DENND5B: variants seen among roughly 807,000 people sequenced by gnomAD.
The protein encoded by DENND5B is DENN domain-containing protein 5B.
In DENND5B, 34 loss-of-function variants were observed where a neutral mutation model predicts 140.6. The observed-to-expected ratio is 0.24, with a 90% CI of 0.18 to 0.32. The LOEUF (loss-of-function observed/expected upper bound fraction) is 0.32, where lower values mean the gene tolerates loss of function less well. DENND5B is among the 10% of genes least tolerant of loss of function. The pLI is 1.00. For synonymous variants in DENND5B, 551 were observed against 562.1 expected (o/e 0.98, Z 0.28); for missense variants, 1,142 against 1,560.2 (o/e 0.73, Z 4.52).
At chr12:31,490,184 T>C (rs758963986) in intron 2 of DENND5B, among the ~76,000 whole-genome samples, 1 of 151,044 alleles carries the variant, frequency 6.6e-6, no homozygotes, top group Non-Finnish European at 1.5e-5. Context: ...GTTTTGGATA[T>C]GTTGCATTTG....
intron 13 of DENND5B, among the ~76,000 whole-genome samples, chr12:31,412,870 T>C (rs1224893181): frequency 1.3e-5 from 2 of 152,214 alleles, no homozygotes; most frequent in African/African-American, 4.8e-5. Flanking sequence ...CTTTTGGATG[T>C]TACTGTCAGC....
intron 11 of DENND5B, among the ~76,000 whole-genome samples, chr12:31,416,965 C>G (rs529806799): frequency 1.1e-4 from 16 of 145,678 alleles, no homozygotes; most frequent in Non-Finnish European, 2.1e-4. Context: ...GTGGTGTTCA[C>G]CTGTAGCACC....
chr12:31,508,090 T>C (rs1947272429), intron 1 of DENND5B, among the ~76,000 whole-genome samples: 1 of 152,132 alleles, frequency 6.6e-6, no homozygotes, highest in South Asian at 2.1e-4. Flanking sequence ...AGAGCCACGC[T>C]TTGCCTTCCA....
At chr12:31,568,595 T>C (rs979688194) in intron 1 of DENND5B, among the ~76,000 whole-genome samples, 3 of 152,148 alleles carry the variant, frequency 2.0e-5, no homozygotes, top group African/African-American at 7.2e-5. Context: ...CTAAGGAAGG[T>C]GTGATGTGCG....
At chr12:31,400,845 T>TG (rs1555133721) in intron 15 of DENND5B, among the ~76,000 whole-genome samples, 21 of 20,824 alleles carry the variant, frequency 1.0e-3, no homozygotes, top group East Asian at 0.01. Flanking sequence ...GAGTTTTTTT[T>TG]TTTTGTTTTT....
intron 17 of DENND5B, among the ~76,000 whole-genome samples, chr12:31,392,937 C>A (rs188708305): frequency 6.6e-6 from 1 of 152,332 alleles, no homozygotes; most frequent in South Asian, 2.1e-4. Flanking sequence ...CAATCTATAA[C>A]CCTAGCCTAG....
intron 10 of DENND5B, among the ~76,000 whole-genome samples, chr12:31,423,899 C>T (rs1053207158): frequency 6.6e-6 from 1 of 152,162 alleles, no homozygotes; most frequent in Admixed American, 6.5e-5. Context: ...AGCAGCTAAG[C>T]AAAGGGCCAG....
chr12:31,534,788 A>G, intron 1 of DENND5B: 1 of 434,948 alleles, frequency 2.3e-6, no homozygotes, highest in East Asian at 7.2e-5. Context: ...CCTCCTGGCA[A>G]TATCAAATGC....
chr12:31,469,332 CAAA>C (rs572719010), intron 3 of DENND5B, among the ~76,000 whole-genome samples: 17 of 106,084 alleles, frequency 1.6e-4, no homozygotes, highest in African/African-American at 3.7e-4. Flanking sequence ...GACTCCATCT[CAAA>C]AAAAAAAAAA....
intron 2 of DENND5B, among the ~76,000 whole-genome samples, chr12:31,494,606 C>T (rs1242052161): frequency 6.6e-6 from 1 of 152,142 alleles, no homozygotes; most frequent in African/African-American, 2.4e-5. Context: ...CTGATTGTTT[C>T]CTTCCCACAA....
intron 1 of DENND5B, among the ~76,000 whole-genome samples, chr12:31,529,733 AT>A (rs905577877): frequency 6.5e-4 from 99 of 151,332 alleles, no homozygotes; most frequent in African/African-American, 2.0e-3. Context: ...TTTAAAAATA[AT>A]TTTTTTTAAA....
At chr12:31,564,093 G>A (rs1170744648) in intron 1 of DENND5B, among the ~76,000 whole-genome samples, 1 of 152,142 alleles carries the variant, frequency 6.6e-6, no homozygotes, top group African/African-American at 2.4e-5. Context: ...ACTCCAGCCT[G>A]GGCAACAGAG....
chr12:31,561,098 C>A (rs1323902651), intron 1 of DENND5B, among the ~76,000 whole-genome samples: 1 of 152,118 alleles, frequency 6.6e-6, no homozygotes, highest in Non-Finnish European at 1.5e-5. Flanking sequence ...AAAAAGAGAA[C>A]TCCGTATGTA....
At position 31,590,755 on chromosome 12, in the gene DENND5B, C is replaced by G; in HGVS notation, c.78G>C (p.Val26=). The stretch of plus-strand genomic sequence containing the variant: ...CGCTGTCCGCGTCGATCCCGCACAG[C>G]ACGAAGTAGTGCGCGAAGCGGCAGG... ...PAACRFAHYF[V]LCGIDADSGL... Residue 26 remains valine (V), a synonymous_variant, in exon 1 of 21, where the codon GTG becomes GTC. Coordinates refer to ENST00000389082, the MANE Select transcript of DENND5B (RefSeq NM_144973.4). 7.0e-7 allele frequency: 1 copy of G among 1,431,102 alleles called. No individual in the cohort carries two copies. Among genetic ancestry groups the G allele is most frequent in the Non-Finnish European group, 9.1e-7 (1 of 1,093,302 alleles). 88.7% of individuals were successfully genotyped at this position (1,431,102 alleles called of 1,614,324 possible). A position where few individuals can be genotyped will look rare whatever the true frequency, so the allele number is the denominator to read the frequency against.
At chr12:31,428,817 C>T (rs774353819) in intron 8 of DENND5B, among the ~76,000 whole-genome samples, 11 of 151,922 alleles carry the variant, frequency 7.2e-5, no homozygotes, top group African/African-American at 2.7e-4. Flanking sequence ...CTGCAAGCTC[C>T]GCCTCCTGGT....
At chr12:31,463,485 A>C (rs1343056089) in intron 3 of DENND5B, among the ~76,000 whole-genome samples, 1 of 152,166 alleles carries the variant, frequency 6.6e-6, no homozygotes, top group Non-Finnish European at 1.5e-5. Flanking sequence ...AGGCTAAAAC[A>C]ATATTTTTGA....
rs531132306 is a variant in DENND5B at position 31,430,154 on chromosome 12, C to T, written c.2106+3001G>A. ...TTTCCTGCCTCAGCCTCCTGAGTAGCTGGGATTACAGGCACATGCCACCAC... is the reference window on the plus strand; with the variant it reads ...TTTCCTGCCTCAGCCTCCTGAGTAGTTGGGATTACAGGCACATGCCACCAC... On this transcript the variant is annotated intron_variant, in intron 8 of 20. Transcript: ENST00000389082. 4.0e-5 allele frequency among the ~76,000 whole-genome samples: 6 copies of T among 151,592 alleles called. No homozygotes were observed. In the East Asian group the frequency reaches 1.2e-3, roughly 30 times the overall value.
At chr12:31,403,950 CTCA>C (rs1239402160) in intron 14 of DENND5B, among the ~76,000 whole-genome samples, 2 of 147,188 alleles carry the variant, frequency 1.4e-5, no homozygotes, top group Admixed American at 1.4e-4. Context: ...GGCACGGGGG[CTCA>C]TGTCTGTAAT....
chr12:31,447,463 T>C, intron 6 of DENND5B, 75 bp downstream of exon 6: 2 of 1,290,884 alleles, frequency 1.5e-6, no homozygotes, highest in Non-Finnish European at 2.1e-6. Flanking sequence ...AATTTTGTTG[T>C]ACGTAAGGCC....
Sources: allele counts gnomAD v4.1 joint callset (sites outside exome capture counted in the v4.1 genomes callset), GRCh38; gene constraint gnomAD v4.1.1; transcripts MANE v1.5; gene names NCBI Gene and HGNC (gene_info 2026-07-23, HGNC 2026-07-21).